The following ODF2 variants were observed in gnomAD, a reference collection of about 807,000 sequenced individuals.
ODF2 encodes outer dense fiber of sperm tails 2.
Under a neutral mutation model 110.2 loss-of-function variants are expected in ODF2, and 47 were observed. The observed-to-expected ratio is 0.43, with a 90% confidence interval of 0.34 to 0.54. The LOEUF (loss-of-function observed/expected upper bound fraction) is 0.54. ODF2 is among the 20% of genes least tolerant of loss of function. The probability of loss-of-function intolerance (pLI) is 0.03; values close to 1 mark genes in which losing one functional copy is unlikely to be tolerated. For missense variants in ODF2, 812 were observed against 1,054.5 expected (o/e 0.77, Z 3.19); for synonymous variants, 352 against 397.7 (o/e 0.89, Z 1.37).
intron 5 of ODF2, among the ~76,000 whole-genome samples, chr9:128,470,240 A>C (rs919597189): frequency 6.6e-6 from 1 of 150,510 alleles, no homozygotes. Context: ...ATGTCAGCCT[A>C]TGTCTTCACT....
At position 128,485,419 on chromosome 9, in the gene ODF2, A is replaced by T. The variant is rs749864707; in HGVS notation, c.1345A>T (p.Asn449Tyr). 1.2e-6 allele frequency: 2 copies of T among 1,612,264 alleles called. No individual in the cohort carries two copies. Among genetic ancestry groups the T allele is most frequent in the Non-Finnish European group, 8.5e-7 (1 of 1,178,508 alleles). Residue 449 changes from asparagine (N) to tyrosine (Y), a missense_variant, in exon 13 of 21, where the codon AAC becomes TAC. Transcript: ENST00000604420. This position sits in a 1 kb window ranked among gnomAD's most constrained non-coding sequence, Gnocchi z 5.0. ...TCTGGAATCCTGGAGGAGCCGCTAC[A>T]ACCAAGTTGTAAAAGAAAAGGGAGA...
At chr9:128,468,542 A>T (rs1838888294) in intron 4 of ODF2, among the ~76,000 whole-genome samples, 1 of 150,772 alleles carries the variant, frequency 6.6e-6, no homozygotes, top group Non-Finnish European at 1.5e-5. Flanking sequence ...TTTTTTTTTT[A>T]GAAGGAGTTT....
chr9:128,481,333 T>C (rs971087144), intron 8 of ODF2, among the ~76,000 whole-genome samples: 72 of 152,094 alleles, frequency 4.7e-4, no homozygotes, highest in African/African-American at 1.7e-3. Flanking sequence ...TTTAAAAAGT[T>C]GGGCATGGTA....
chr9:128,477,953 G>A (rs1841657938), intron 8 of ODF2, among the ~76,000 whole-genome samples: 2 of 151,970 alleles, frequency 1.3e-5, no homozygotes, highest in African/African-American at 4.8e-5. Context: ...CCTTTTGTGT[G>A]TCATTTTGCA....
chr9:128,469,408 C>T, intron 5 of ODF2, 55 bp downstream of exon 5: 1 of 1,580,966 alleles, frequency 6.3e-7, no homozygotes, highest in Non-Finnish European at 8.7e-7. Flanking sequence ...GCAGGAGCAC[C>T]CAGGTGGATT....
exon 9 of ODF2, chr9:128,481,595 A>G: frequency 1.2e-6 from 2 of 1,613,936 alleles, no homozygotes; most frequent in Non-Finnish European, 1.7e-6. Context: ...TGAAAGACTA[A>G]TGGAGCAACA....
At chr9:128,474,701 G>C (rs1482647711) in intron 8 of ODF2, among the ~76,000 whole-genome samples, 1 of 151,350 alleles carries the variant, frequency 6.6e-6, no homozygotes, top group Non-Finnish European at 1.5e-5. Flanking sequence ...GGTGGCTCAT[G>C]CCTGTAATCC....
exon 21 of ODF2, chr9:128,500,131 C>A (rs1846307635): frequency 1.2e-6 from 2 of 1,614,276 alleles, no homozygotes; most frequent in Non-Finnish European, 1.7e-6. Context: ...TCCGAGAGCA[C>A]CAACCGCAGC....
chr9:128,474,937 C>G (rs59935858), intron 8 of ODF2, among the ~76,000 whole-genome samples: 4,653 of 151,862 alleles, frequency 0.031, 243 homozygotes, highest in African/African-American at 0.11. Flanking sequence ...GCACTCCAGC[C>G]TGGGGAACAA....
At chr9:128,466,004 G>T (rs1477774091) in intron 4 of ODF2, among the ~76,000 whole-genome samples, 4 of 151,696 alleles carry the variant, frequency 2.6e-5, no homozygotes, top group Admixed American at 2.6e-4. Flanking sequence ...CCCTGGCGTG[G>T]TGGTCGCGCC....
intron 10 of ODF2, 70 bp downstream of exon 10, chr9:128,482,957 G>A (rs1298619212): frequency 2.1e-5 from 25 of 1,208,202 alleles, no homozygotes; most frequent in Non-Finnish European, 1.9e-5. Context: ...GTGCAATGGC[G>A]CGATCTCAGC....
At chr9:128,480,082 T>C (rs1031836579) in intron 8 of ODF2, among the ~76,000 whole-genome samples, 6 of 152,090 alleles carry the variant, frequency 3.9e-5, no homozygotes, top group African/African-American at 1.4e-4. Context: ...TGATCCATGA[T>C]TACAACATGC....
At chr9:128,456,844 G>A in intron 1 of ODF2, 1 of 1,295,852 alleles carries the variant, frequency 7.7e-7, no homozygotes, top group Non-Finnish European at 9.8e-7. Context: ...CGGGGCGCCC[G>A]GGGCCCGTGC....
intron 7 of ODF2, 25 bp downstream of exon 7, chr9:128,473,067 A>AG: frequency 6.2e-7 from 1 of 1,613,594 alleles, no homozygotes; most frequent in Non-Finnish European, 8.5e-7. Context: ...GCAGGACCCC[A>AG]GCCATGGAAC....
chr9:128,484,424 G>A (rs1455114924), intron 11 of ODF2, among the ~76,000 whole-genome samples: 1 of 152,148 alleles, frequency 6.6e-6, no homozygotes, highest in Non-Finnish European at 1.5e-5. Flanking sequence ...CTGACCACAA[G>A]GCTGGGAGTT....
At chr9:128,495,513 A>G (rs1845425969) in intron 17 of ODF2, among the ~76,000 whole-genome samples, 1 of 152,228 alleles carries the variant, frequency 6.6e-6, no homozygotes, top group Non-Finnish European at 1.5e-5. Context: ...GAACCTGAGC[A>G]TTCTCAGGGA....
intron 19 of ODF2, 32 bp downstream of exon 19, chr9:128,498,607 G>C: frequency 7.9e-7 from 1 of 1,261,272 alleles, no homozygotes; most frequent in East Asian, 2.4e-5. Context: ...GACTAGCTCT[G>C]TGACCTTGGG....
At chr9:128,482,704 T>A in intron 9 of ODF2, 112 bp from the exon 10 acceptor site, 1 of 652,618 alleles carries the variant, frequency 1.5e-6, no homozygotes, top group Non-Finnish European at 2.7e-6. Context: ...CATGGGCCAA[T>A]GTATGTAGGA....
In ODF2 at chr9:128,471,423, TGAGGCACAACATC is replaced by T. The variant is rs777639355; in HGVS notation, c.540_552del (p.Arg180SerfsTer3). Reference sequence around the variant, plus strand: ...GAGACTGAGCACGAGAACACGGTGTTGAGGCACAACATCGAGCGCATGAAGGAGGAGAAGGACT... The same window carrying T: ...GAGACTGAGCACGAGAACACGGTGTTGAGCGCATGAAGGAGGAGAAGGACT... On this transcript the variant is annotated frameshift_variant, in exon 6 of 21. Coordinates refer to ENST00000604420, the Ensembl canonical transcript of ODF2. LOFTEE classifies it high-confidence loss of function. 6 of 1,613,374 alleles carry T rather than the reference TGAGGCACAACATC, an allele frequency of 3.7e-6. No homozygotes were observed. The highest frequency in any genetic ancestry group is 5.1e-6 in the Non-Finnish European group (6 of 1,179,758).
Sources: allele counts gnomAD v4.1 joint callset (sites outside exome capture counted in the v4.1 genomes callset), GRCh38; gene constraint gnomAD v4.1.1; non-coding constraint Gnocchi (gnomAD v3.1); transcripts MANE v1.5; gene names NCBI Gene and HGNC (gene_info 2026-07-23, HGNC 2026-07-21).